The following DYNC2I1 variants were observed in gnomAD, a reference collection of about 807,000 sequenced individuals.
DYNC2I1 encodes dynein 2 intermediate chain 1.
In DYNC2I1, 89 loss-of-function variants were observed where a neutral mutation model predicts 133.4. That is an observed-to-expected ratio of 0.67 (90% CI 0.56 to 0.80). The LOEUF is 0.80. DYNC2I1 is among the 30% of genes least tolerant of loss of function. The pLI is 0.00. For missense variants in DYNC2I1, 1,291 were observed against 1,314.5 expected (o/e 0.98, Z 0.28); for synonymous variants, 504 against 484.3 (o/e 1.04, Z -0.54).
intron 4 of DYNC2I1, among the ~76,000 whole-genome samples, chr7:158,953,125 C>T (rs896170117): frequency 9.9e-5 from 15 of 152,132 alleles, no homozygotes; most frequent in Non-Finnish European, 2.1e-4. Flanking sequence ...CCCTCCTCGC[C>T]CACCTCTCCT....
chr7:158,887,473 A>G (rs992845795), intron 7 of DYNC2I1, among the ~76,000 whole-genome samples: 4 of 152,258 alleles, frequency 2.6e-5, no homozygotes, highest in African/African-American at 9.6e-5. Context: ...CACAAGCAGC[A>G]AAAACTGACA....
upstream of DYNC2I1, among the ~76,000 whole-genome samples, chr7:158,856,224 G>A (rs1361030552): frequency 6.6e-6 from 1 of 152,054 alleles, no homozygotes; most frequent in African/African-American, 2.4e-5. Flanking sequence ...GGGATTACAG[G>A]GGTGAGCCAC....
intron 1 of DYNC2I1, among the ~76,000 whole-genome samples, chr7:158,858,208 C>T (rs986761735): frequency 6.6e-6 from 1 of 152,194 alleles, no homozygotes; most frequent in Non-Finnish European, 1.5e-5. Flanking sequence ...CTATGCTATT[C>T]TCTTTACATT....
At chr7:158,907,846 C>A (rs939115080) in intron 11 of DYNC2I1, among the ~76,000 whole-genome samples, 4 of 151,906 alleles carry the variant, frequency 2.6e-5, no homozygotes, top group African/African-American at 9.7e-5. Context: ...CTTCTGGGCT[C>A]AAGCAATCCA....
intron 6 of DYNC2I1, among the ~76,000 whole-genome samples, chr7:158,885,660 C>G (rs1844525843): frequency 6.6e-6 from 1 of 152,076 alleles, no homozygotes; most frequent in Non-Finnish European, 1.5e-5. Context: ...CATATGTAAG[C>G]CCTAGACTTT....
chr7:158,889,641 C>T (rs916177939), intron 7 of DYNC2I1, among the ~76,000 whole-genome samples: 2 of 151,700 alleles, frequency 1.3e-5, no homozygotes, highest in African/African-American at 4.8e-5. Context: ...AAAAAATAGG[C>T]CAGATGTTCG....
chr7:158,922,757 A>G (rs1849230704), intron 16 of DYNC2I1, among the ~76,000 whole-genome samples: 1 of 152,208 alleles, frequency 6.6e-6, no homozygotes, highest in African/African-American at 2.4e-5. Context: ...CAGAATGAGC[A>G]AACGAGAATT....
chr7:158,852,834 T>G (rs937907359), upstream of DYNC2I1, among the ~76,000 whole-genome samples: 1 of 152,222 alleles, frequency 6.6e-6, no homozygotes, highest in African/African-American at 2.4e-5. Flanking sequence ...TCTCTAAAAA[T>G]CCTTAGCTTA....
chr7:158,928,934 T>C (rs1849907740), intron 20 of DYNC2I1, among the ~76,000 whole-genome samples: 1 of 152,214 alleles, frequency 6.6e-6, no homozygotes, highest in Non-Finnish European at 1.5e-5. Context: ...ACTGAGATCA[T>C]TTCTGTCCAT....
upstream of DYNC2I1, among the ~76,000 whole-genome samples, chr7:158,853,364 C>T (rs181996928): frequency 7.2e-5 from 11 of 152,126 alleles, no homozygotes; most frequent in South Asian, 4.1e-4. Context: ...TTTGGAATCA[C>T]GGATGGAACA....
chr7:158,896,984 TC>T (rs1845815574), intron 8 of DYNC2I1, among the ~76,000 whole-genome samples: 1 of 147,024 alleles, frequency 6.8e-6, no homozygotes, highest in South Asian at 2.1e-4. Context: ...TTGTATAATT[TC>T]TTTTTTTTTT....
intron 20 of DYNC2I1, among the ~76,000 whole-genome samples, chr7:158,929,277 C>T (rs752162609): frequency 3.9e-5 from 6 of 152,234 alleles, no homozygotes; most frequent in Non-Finnish European, 7.3e-5. Context: ...ATGAAATGTT[C>T]TCTGCATAAG....
In DYNC2I1 at chr7:158,945,671, C is replaced by T. The variant is rs760139138; in HGVS notation, c.3093C>T (p.Asp1031=). The T allele has an allele frequency of 6.8e-6, 11 of 1,612,830 alleles. No individual in the cohort carries two copies. The highest frequency in any genetic ancestry group is 1.3e-5 in the African/African-American group (1 of 75,038). ...TGGCCAGGGCGTCTGGCTCCATCGA[C>T]ATCCAGCACCTGAAGAGGCGGTGGG... The part of the protein sequence containing the change: ...LVLARASGSI[D]IQHLKRRWAA... Residue 1031 remains aspartate, a synonymous_variant, in exon 25 of 25, where the codon GAC becomes GAT. Transcript: ENST00000407559. The surrounding 1 kb of genome is among the most constrained non-coding windows in gnomAD (Gnocchi z 4.1).
intron 1 of DYNC2I1, chr7:158,869,414 G>T: frequency 2.1e-6 from 1 of 470,218 alleles, no homozygotes; most frequent in South Asian, 1.6e-5. Context: ...GGAGGCCCAT[G>T]ATACCTTCTG....
intron 14 of DYNC2I1, among the ~76,000 whole-genome samples, chr7:158,916,025 G>A (rs1171280886): frequency 2.6e-5 from 2 of 77,138 alleles, no homozygotes; most frequent in African/African-American, 4.5e-5. Flanking sequence ...ATTGTGAAAC[G>A]TCTACACGCT....
chr7:158,912,069 G>T (rs539858639), intron 12 of DYNC2I1, among the ~76,000 whole-genome samples: 100 of 152,282 alleles, frequency 6.6e-4, no homozygotes, highest in African/African-American at 2.3e-3. Flanking sequence ...CCACCTCCTG[G>T]GTTCAAGTGA....
At chr7:158,900,059 A>G (rs1009148838) in intron 8 of DYNC2I1, among the ~76,000 whole-genome samples, 1 of 150,940 alleles carries the variant, frequency 6.6e-6, no homozygotes, top group African/African-American at 2.4e-5. Context: ...CAGTACTTTA[A>G]ACATTTCTCT....
At chr7:158,939,891 A>G (rs181078735) in intron 23 of DYNC2I1, among the ~76,000 whole-genome samples, 2 of 152,352 alleles carry the variant, frequency 1.3e-5, no homozygotes, top group East Asian at 3.9e-4. Context: ...ATATAATGAT[A>G]ATGGGTGAAT....
chr7:158,862,311 G>C (rs1356352097), intron 1 of DYNC2I1, among the ~76,000 whole-genome samples: 1 of 152,138 alleles, frequency 6.6e-6, no homozygotes, highest in Admixed American at 6.5e-5. Flanking sequence ...ATCAGGGGAC[G>C]ATTACAAAAT....
Sources: gnomAD v4.1 joint callset for allele counts (sites outside exome capture counted in the v4.1 genomes callset) on GRCh38, gnomAD v4.1.1 for gene constraint, Gnocchi (gnomAD v3.1) non-coding constraint, MANE v1.5 for transcripts, NCBI Gene and HGNC (gene_info 2026-07-23, HGNC 2026-07-21) for gene names.